The following DPP8 variants were observed in gnomAD, a reference collection of about 807,000 sequenced individuals.
DPP8 encodes DPP VIII.
In DPP8, 31 loss-of-function variants were observed where a neutral mutation model predicts 107.5. The observed-to-expected ratio is 0.29, with a 90% CI of 0.22 to 0.39. The LOEUF is 0.39. DPP8 is among the 10% of genes least tolerant of loss of function. The pLI is 1.00. For missense variants in DPP8, 842 were observed against 1,076.1 expected (o/e 0.78, Z 3.04); for synonymous variants, 381 against 356.6 (o/e 1.07, Z -0.77).
chr15:65,451,609 A>G (rs956259195), intron 18 of DPP8, among the ~76,000 whole-genome samples: 2 of 152,166 alleles, frequency 1.3e-5, no homozygotes, highest in African/African-American at 4.8e-5. Flanking sequence ...AATACAATTG[A>G]AAATTTATAA....
Position 65,502,703 on chromosome 15 carries a change from T to C in DPP8, c.373-1924A>G, listed in dbSNP as rs1054749983. 5.3e-5 allele frequency: 8 copies of C among 151,410 alleles called. No individual in the cohort carries two copies. In the East Asian group the frequency reaches 1.4e-3, roughly 26 times the overall value. The allele number at this position is 151,410 out of a possible 1,614,324, so 9.4% of individuals were successfully genotyped here. On this transcript the variant is annotated intron_variant, in intron 3 of 19. Coordinates refer to ENST00000300141, the MANE Select transcript of DPP8 (RefSeq NM_130434.5). ...AAAAAAAAAAAATAATAAGATAAAA[T>C]AAAATAAAATTCTACTTAAAATGTT...
chr15:65,454,596 G>A (rs910674910), intron 16 of DPP8, among the ~76,000 whole-genome samples, 181 bp from the exon 17 acceptor site: 3 of 152,112 alleles, frequency 2.0e-5, no homozygotes, highest in African/African-American at 2.4e-5. Context: ...ACGCAGTCTC[G>A]GCTCACTGCA....
At chr15:65,509,127 T>C (rs893197692) in intron 2 of DPP8, among the ~76,000 whole-genome samples, 7 of 152,160 alleles carry the variant, frequency 4.6e-5, no homozygotes, top group African/African-American at 1.7e-4. Flanking sequence ...GAGTAAAAAG[T>C]TATATATCAG....
At position 65,512,499 on chromosome 15, in the gene DPP8, C is replaced by A. The variant is rs1457469752; in HGVS notation, c.55G>T (p.Asp19Tyr). ...TGTGATTCAATATTCTCCTCACAGT[C>A]CGCAGTTTCAAATATCTCAACACCC... is the stretch of plus-strand genomic sequence containing the variant. Reference protein sequence around the residue: ...QLGVEIFETADCEENIESQDR... With the variant: ...QLGVEIFETAYCEENIESQDR... The change falls in exon 2 of 20, where the codon GAC (aspartate) becomes TAC (tyrosine). Residue 19 changes from aspartate (D) to tyrosine (Y), a missense_variant. Physicochemically the swap from Asp to Tyr is radical, Grantham distance 160. This residue lies in a region of DPP8 where 663 missense variants were observed against 758.0 expected (regional missense o/e 0.87). Coordinates refer to ENST00000300141, the MANE Select transcript of DPP8 (RefSeq NM_130434.5). 6.2e-7 allele frequency: 1 copy of A among 1,614,122 alleles called. No homozygotes were observed. Among genetic ancestry groups the A allele is most frequent in the South Asian group, 1.1e-5 (1 of 91,084 alleles).
At chr15:65,454,169 G>A in intron 17 of DPP8, 94 bp downstream of exon 17, 1 of 818,870 alleles carries the variant, frequency 1.2e-6, no homozygotes, top group Non-Finnish European at 1.7e-6. Context: ...TGCCAACTCT[G>A]TAAACCTTCA....
intron 15 of DPP8, among the ~76,000 whole-genome samples, chr15:65,463,309 C>A (rs190701766): frequency 4.6e-5 from 7 of 152,068 alleles, no homozygotes; most frequent in African/African-American, 1.4e-4. Context: ...GAGCCTGAGG[C>A]GGGTGGGTCA....
intron 15 of DPP8, among the ~76,000 whole-genome samples, chr15:65,463,225 G>A (rs981534048): frequency 6.6e-6 from 1 of 152,092 alleles, no homozygotes; most frequent in South Asian, 2.1e-4. Flanking sequence ...CAGAACTATA[G>A]TCCACACTGC....
At chr15:65,471,512 TA>T (rs2065896665) in intron 12 of DPP8, among the ~76,000 whole-genome samples, 2 of 121,712 alleles carry the variant, frequency 1.6e-5, no homozygotes, top group African/African-American at 8.0e-5. Flanking sequence ...ATAACCAGCC[TA>T]TTTTTTTTTT....
intron 15 of DPP8, chr15:65,458,799 A>G: frequency 6.6e-6 from 1 of 152,118 alleles, no homozygotes; most frequent in East Asian, 1.9e-4. Flanking sequence ...AACAGTTTTG[A>G]CCACATGAAC....
chr15:65,474,540 G>C (rs2066210447), intron 11 of DPP8, among the ~76,000 whole-genome samples: 1 of 152,116 alleles, frequency 6.6e-6, no homozygotes, highest in African/African-American at 2.4e-5. Context: ...GAGTGCAGCG[G>C]CATGATCACA....
intron 1 of DPP8, among the ~76,000 whole-genome samples, chr15:65,514,664 T>A (rs1002527542): frequency 6.6e-6 from 1 of 152,118 alleles, no homozygotes; most frequent in South Asian, 2.1e-4. Flanking sequence ...GCACCCGCCA[T>A]CGTGCCCAGT....
chr15:65,455,661 T>A, intron 16 of DPP8: 5 of 1,185,932 alleles, frequency 4.2e-6, no homozygotes, highest in Non-Finnish European at 5.3e-6. Flanking sequence ...TACATGAGAA[T>A]ACAACATAAG....
chr15:65,459,017 A>T (rs1211359608), intron 15 of DPP8: 1 of 147,026 alleles, frequency 6.8e-6, no homozygotes, highest in East Asian at 2.2e-4. Flanking sequence ...TGAACACCAG[A>T]TTCTTTATTT....
At chr15:65,460,197 T>C (rs750518777) in intron 15 of DPP8, among the ~76,000 whole-genome samples, 1 of 151,936 alleles carries the variant, frequency 6.6e-6, no homozygotes, top group African/African-American at 2.4e-5. Flanking sequence ...ATACCAGCAC[T>C]ATGGGAGGCT....
intron 2 of DPP8, chr15:65,512,069 G>A (rs779490087): frequency 1.5e-5 from 10 of 670,720 alleles, no homozygotes; most frequent in South Asian, 7.5e-5. Context: ...TGGCATCTTC[G>A]ATTTTGAAAA....
In DPP8 at chr15:65,489,559, G is replaced by A. The variant is rs572982234; in HGVS notation, c.826+630C>T. On this transcript the variant is annotated intron_variant, in intron 6 of 19. Transcript: ENST00000300141. ...CTCCTGAGTAGCTGGGACTACAGGCGTCCCCCACCATGCCCAGCTAATTTT... is the reference window on the plus strand; with the variant it reads ...CTCCTGAGTAGCTGGGACTACAGGCATCCCCCACCATGCCCAGCTAATTTT... Among the ~76,000 whole-genome samples the A allele has an allele frequency of 8.8e-5, 13 of 148,522 alleles. No individual in the cohort carries two copies. In the South Asian group the frequency reaches 1.3e-3, roughly 15 times the overall value.
At chr15:65,470,775 T>C (rs1316552765) in intron 12 of DPP8, among the ~76,000 whole-genome samples, 3 of 151,920 alleles carry the variant, frequency 2.0e-5, no homozygotes. Context: ...AAAAATTAGC[T>C]GGGCATGGTG....
At chr15:65,482,539 T>C (rs1194577978) in intron 8 of DPP8, among the ~76,000 whole-genome samples, 1 of 152,116 alleles carries the variant, frequency 6.6e-6, no homozygotes. Flanking sequence ...GTCTGCCAAA[T>C]AGTTGGGATT....
At chr15:65,450,423 T>G (rs764485503) in intron 19 of DPP8, among the ~76,000 whole-genome samples, 1 of 152,214 alleles carries the variant, frequency 6.6e-6, no homozygotes, top group Non-Finnish European at 1.5e-5. Context: ...AAATATCTCA[T>G]AGTTTAAACA....
Sources: allele counts gnomAD v4.1 joint callset (sites outside exome capture counted in the v4.1 genomes callset), GRCh38; gene constraint gnomAD v4.1.1; regional missense constraint gnomAD v4.1.1; transcripts MANE v1.5; gene names NCBI Gene and HGNC (gene_info 2026-07-23, HGNC 2026-07-21).